The following ZNF804A variants were observed in gnomAD, a reference collection of about 807,000 sequenced individuals.
The protein encoded by ZNF804A is zinc finger protein 804A.
A neutral mutation model predicts 16.5 loss-of-function variants in ZNF804A; 2 were observed. The observed-to-expected ratio is 0.12, with a 90% CI of 0.05 to 0.38. The LOEUF (loss-of-function observed/expected upper bound fraction) is 0.38. Ranked by LOEUF, ZNF804A falls within the 10% of genes least tolerant of loss-of-function variation. The pLI is 0.99. For synonymous variants in ZNF804A, 534 were observed against 489.6 expected, an observed-to-expected ratio of 1.09 and a Z score of -1.20; for missense variants, 1,473 against 1,390.7, an observed-to-expected ratio of 1.06 and a Z score of -0.94.
At chr2:184,605,798 T>C (rs1691136447) in intron 1 of ZNF804A, among the ~76,000 whole-genome samples, 1 of 152,148 alleles carries the variant, frequency 6.6e-6, no homozygotes, top group African/African-American at 2.4e-5. Flanking sequence ...GAGATAACTG[T>C]GTACTGTATT....
At chr2:184,647,125 A>G (rs1342580047) in intron 1 of ZNF804A, among the ~76,000 whole-genome samples, 1 of 152,242 alleles carries the variant, frequency 6.6e-6, no homozygotes, top group Non-Finnish European at 1.5e-5. Flanking sequence ...GGTTTATAGA[A>G]GTTAAGCCAA....
chr2:184,644,544 A>T (rs961760093), intron 1 of ZNF804A, among the ~76,000 whole-genome samples: 2 of 151,882 alleles, frequency 1.3e-5, no homozygotes, highest in African/African-American at 4.8e-5. Flanking sequence ...CTGTTTCTCA[A>T]TTAAAAAAAC....
chr2:184,603,691 G>T (rs1418312951), intron 1 of ZNF804A, among the ~76,000 whole-genome samples: 1 of 152,164 alleles, frequency 6.6e-6, no homozygotes, highest in Non-Finnish European at 1.5e-5. Flanking sequence ...GCTCAGGGGT[G>T]AGGGTGGATT....
chr2:184,920,937 AC>A (rs1212697293), intron 2 of ZNF804A, among the ~76,000 whole-genome samples: 12 of 152,228 alleles, frequency 7.9e-5, no homozygotes, highest in African/African-American at 2.9e-4. Flanking sequence ...AGGTATGCAG[AC>A]CATGGAATAA....
At chr2:184,620,683 G>A (rs1219066731) in intron 1 of ZNF804A, among the ~76,000 whole-genome samples, 2 of 151,404 alleles carry the variant, frequency 1.3e-5, no homozygotes, top group African/African-American at 2.4e-5. Flanking sequence ...TACAATAAGT[G>A]GAAAAACAAA....
At chr2:184,653,123 C>A (rs947616986) in intron 1 of ZNF804A, among the ~76,000 whole-genome samples, 2 of 152,102 alleles carry the variant, frequency 1.3e-5, no homozygotes, top group Admixed American at 1.3e-4. Flanking sequence ...TTCTCTGATT[C>A]TTTCTACTTT....
intron 2 of ZNF804A, among the ~76,000 whole-genome samples, chr2:184,892,149 T>C (rs1209890097): frequency 1.3e-5 from 2 of 152,198 alleles, no homozygotes; most frequent in East Asian, 3.8e-4. Flanking sequence ...CAAAGCAACA[T>C]TTCCACACTA....
At chr2:184,621,358 T>A (rs1691416312) in intron 1 of ZNF804A, among the ~76,000 whole-genome samples, 1 of 151,784 alleles carries the variant, frequency 6.6e-6, no homozygotes, top group Admixed American at 6.6e-5. Flanking sequence ...CTTGTATTAA[T>A]AATTATGTAT....
chr2:184,842,475 T>G (rs997882352), intron 1 of ZNF804A, among the ~76,000 whole-genome samples: 4 of 152,022 alleles, frequency 2.6e-5, no homozygotes, highest in African/African-American at 9.7e-5. Flanking sequence ...TTTACCTTAT[T>G]TTGTCCTCAG....
Position 184,938,709 on chromosome 2 carries a change from C to T in ZNF804A, c.3313C>T (p.Gln1105Ter). 6.2e-7 allele frequency: 1 copy of T among 1,613,372 alleles called. No individual in the cohort carries two copies. The highest frequency in any genetic ancestry group is 2.2e-5 in the East Asian group (1 of 44,816). Residue 1105 changes from glutamine (Q) to a stop codon, truncating the protein, a stop_gained, in exon 4 of 4, where the codon CAG (glutamine) becomes TAG (stop). Coordinates refer to ENST00000302277, the MANE Select transcript of ZNF804A (RefSeq NM_194250.2). LOFTEE classifies it low-confidence loss of function (END_TRUNC). Reference sequence around the variant, plus strand: ...CACTATCCATCACACTGTTTTGCAGCAGCACGCTGCAGCTGCTGCAGCTGC... The same window carrying T: ...CACTATCCATCACACTGTTTTGCAGTAGCACGCTGCAGCTGCTGCAGCTGC... ...VTTIHHTVLQ[Q>*]HAAAAAAAAA... is the part of the protein sequence containing the mutation.
intron 3 of ZNF804A, 53 bp from the exon 4 acceptor site, chr2:184,935,730 T>A: frequency 1.3e-6 from 2 of 1,489,822 alleles, no homozygotes; most frequent in Non-Finnish European, 1.8e-6. Flanking sequence ...ATTTGACTAT[T>A]TTTTTTTCTC....
At chr2:184,913,190 G>T (rs1040480234) in intron 2 of ZNF804A, among the ~76,000 whole-genome samples, 2 of 152,026 alleles carry the variant, frequency 1.3e-5, no homozygotes, top group African/African-American at 4.8e-5. Context: ...TATAGCTTTA[G>T]ACCTCCTTCT....
intron 1 of ZNF804A, among the ~76,000 whole-genome samples, chr2:184,626,276 G>C (rs1326294517): frequency 1.3e-5 from 2 of 152,088 alleles, no homozygotes; most frequent in Admixed American, 1.3e-4. Context: ...AGCAGCTTGA[G>C]TGGTATATTT....
At chr2:184,663,875 A>C (rs1692218117) in intron 1 of ZNF804A, among the ~76,000 whole-genome samples, 1 of 152,226 alleles carries the variant, frequency 6.6e-6, no homozygotes, top group South Asian at 2.1e-4. Flanking sequence ...TTCATAGCAC[A>C]AAGCTTAATT....
rs576329362 is a variant in ZNF804A at position 184,642,948 on chromosome 2, A to C, written c.111+43878A>C. Among the ~76,000 whole-genome samples, 3 of 152,276 alleles carry C rather than the reference A, an allele frequency of 2.0e-5. No individual in the cohort carries two copies. The South Asian group carries it at 6.2e-4, about 32-fold the overall frequency. ...TATTGAAGAGAATACGTGTTAATTG[A>C]TATGAACTTTTCATAAACATAAAAA... On this transcript the variant is annotated intron_variant, in intron 1 of 3. Coordinates refer to ENST00000302277, the MANE Select transcript of ZNF804A (RefSeq NM_194250.2).
At chr2:184,920,428 G>T (rs1574271226) in intron 2 of ZNF804A, among the ~76,000 whole-genome samples, 1 of 152,096 alleles carries the variant, frequency 6.6e-6, no homozygotes, top group East Asian at 1.9e-4. Flanking sequence ...ATCTGTTTGG[G>T]TTACTTTACG....
intron 1 of ZNF804A, among the ~76,000 whole-genome samples, chr2:184,741,711 G>T (rs1399927646): frequency 6.6e-6 from 1 of 152,080 alleles, no homozygotes; most frequent in Non-Finnish European, 1.5e-5. Context: ...TAGTGTTTCA[G>T]AATAGAAACT....
chr2:184,832,328 A>G (rs1289275499), intron 1 of ZNF804A, among the ~76,000 whole-genome samples: 6 of 152,062 alleles, frequency 3.9e-5, no homozygotes, highest in Non-Finnish European at 5.9e-5. Flanking sequence ...TCAAGAACTT[A>G]GTTTGGAAAA....
chr2:184,786,488 G>T (rs1694451093), intron 1 of ZNF804A, among the ~76,000 whole-genome samples: 1 of 151,848 alleles, frequency 6.6e-6, no homozygotes, highest in Non-Finnish European at 1.5e-5. Flanking sequence ...GTACCATTAA[G>T]GAAATAAATT....
Sources: gnomAD v4.1 joint callset for allele counts (sites outside exome capture counted in the v4.1 genomes callset) on GRCh38, gnomAD v4.1.1 for gene constraint, MANE v1.5 for transcripts, NCBI Gene and HGNC (gene_info 2026-07-23, HGNC 2026-07-21) for gene names.